LRIF1: variants seen among roughly 807,000 people sequenced by gnomAD.
LRIF1 encodes the protein ligand dependent nuclear receptor interacting factor 1.
In LRIF1, 32 loss-of-function variants were observed where a neutral mutation model predicts 52.7. The observed-to-expected ratio is 0.61, with a 90% CI of 0.46 to 0.82. The LOEUF is 0.82. LRIF1 is among the 40% of genes least tolerant of loss of function. LRIF1 has a pLI of 0.00. For synonymous variants in LRIF1, 323 were observed against 317.4 expected (o/e 1.02, Z -0.19); for missense variants, 887 against 892.0 (o/e 0.99, Z 0.07).
At chr1:110,926,546 A>C in the LRIF1 span, among the ~76,000 whole-genome samples, 1 of 152,108 alleles carries the variant, frequency 6.6e-6, no homozygotes. Context: ...GAAACTAAAA[A>C]TAAATCTCCA....
At chr1:110,962,635 C>T (rs1311977924) in intron 1 of LRIF1, among the ~76,000 whole-genome samples, 1 of 152,192 alleles carries the variant, frequency 6.6e-6, no homozygotes, top group East Asian at 1.9e-4. Context: ...TTCTCCTAAT[C>T]TTTAAAATAT....
At chr1:110,882,141 T>C in the LRIF1 span, among the ~76,000 whole-genome samples, 1 of 152,164 alleles carries the variant, frequency 6.6e-6, no homozygotes, top group South Asian at 2.1e-4. Flanking sequence ...TTTATCAACT[T>C]ATTGTGCTTT....
the LRIF1 span, chr1:110,891,423 C>A: frequency 6.2e-7 from 1 of 1,613,722 alleles, no homozygotes; most frequent in Non-Finnish European, 8.5e-7. Context: ...GCATGAGTAG[C>A]TTGAAACTGC....
downstream of LRIF1, among the ~76,000 whole-genome samples, chr1:110,945,578 A>G (rs1570935842): frequency 6.6e-6 from 1 of 152,208 alleles, no homozygotes; most frequent in East Asian, 1.9e-4. Flanking sequence ...GGCATGCACA[A>G]CCATGCCCAG....
the LRIF1 span, among the ~76,000 whole-genome samples, chr1:110,933,845 G>A: frequency 2.0e-5 from 3 of 152,178 alleles, no homozygotes; most frequent in Non-Finnish European, 4.4e-5. Flanking sequence ...GACCTATGGA[G>A]ACACCAGCTG....
At chr1:110,924,965 T>C in the LRIF1 span, among the ~76,000 whole-genome samples, 2 of 152,180 alleles carry the variant, frequency 1.3e-5, no homozygotes, top group Admixed American at 1.3e-4. Flanking sequence ...GTCCAGAAAG[T>C]ATTTCACATA....
the LRIF1 span, among the ~76,000 whole-genome samples, chr1:110,931,490 G>T: frequency 6.6e-6 from 1 of 152,134 alleles, no homozygotes; most frequent in African/African-American, 2.4e-5. Flanking sequence ...AATCCTTTGG[G>T]TATATACCCA....
chr1:110,896,182 G>A, the LRIF1 span, among the ~76,000 whole-genome samples: 4 of 152,274 alleles, frequency 2.6e-5, no homozygotes, highest in Non-Finnish European at 5.9e-5. Context: ...TTGCTTCCTC[G>A]AGTATTTTGG....
the LRIF1 span, among the ~76,000 whole-genome samples, chr1:110,879,072 A>G: frequency 6.6e-6 from 1 of 152,024 alleles, no homozygotes; most frequent in African/African-American, 2.4e-5. Flanking sequence ...ACCTCTTTTT[A>G]AAACGTATGA....
At chr1:110,961,483 A>G (rs1658944592) in intron 1 of LRIF1, among the ~76,000 whole-genome samples, 1 of 152,228 alleles carries the variant, frequency 6.6e-6, no homozygotes, top group Non-Finnish European at 1.5e-5. Flanking sequence ...TTAAATGCAT[A>G]CCATCACAAA....
downstream of LRIF1, among the ~76,000 whole-genome samples, chr1:110,946,872 G>A (rs184203065): frequency 3.3e-5 from 5 of 152,216 alleles, no homozygotes; most frequent in Admixed American, 3.3e-4. Context: ...GGCCAGGCTT[G>A]TCTCAAACTC....
At chr1:110,892,434 G>A in the LRIF1 span, 20 of 1,613,736 alleles carry the variant, frequency 1.2e-5, no homozygotes, top group Admixed American at 6.7e-5. Flanking sequence ...CCTCCCTCAC[G>A]CTGGGCAATG....
At chr1:110,963,329 G>C (rs1659044863) in intron 1 of LRIF1, 1 of 235,948 alleles carries the variant, frequency 4.2e-6, no homozygotes, top group African/African-American at 2.2e-5. Flanking sequence ...TAAGAGCGTC[G>C]GCCATCTTGG....
At position 110,952,634 on chromosome 1, in the gene LRIF1, T is replaced by A. The variant is rs1296851090; in HGVS notation, c.250A>T (p.Ile84Phe). 6.2e-7 allele frequency: 1 copy of A among 1,614,072 alleles called. No homozygotes were observed. The highest frequency in any genetic ancestry group is 8.5e-7 in the Non-Finnish European group (1 of 1,179,956). Residue 84 changes from isoleucine (I) to phenylalanine (F), a missense_variant, in exon 2 of 4, where the codon ATT (isoleucine) becomes TTT (phenylalanine). Ile to Phe is a conservative substitution (Grantham distance 21, BLOSUM62 0). Coordinates refer to ENST00000369763, the MANE Select transcript of LRIF1 (RefSeq NM_018372.4). ...KPVQVTFQTQ[I>F]SSSSTSASVQ... is the part of the protein sequence containing the mutation. ...GATGCACTTGTGGAAGAGCTGGAAATCTGAGTCTGAAAAGTAACTTGAACT... is the reference window on the plus strand; with the variant it reads ...GATGCACTTGTGGAAGAGCTGGAAAACTGAGTCTGAAAAGTAACTTGAACT...
the LRIF1 span, chr1:110,894,226 A>G: frequency 2.1e-6 from 2 of 936,486 alleles, no homozygotes; most frequent in African/African-American, 3.3e-5. Flanking sequence ...GAACAGGAAC[A>G]CCCTGTACTC....
the LRIF1 span, among the ~76,000 whole-genome samples, chr1:110,934,725 C>A: frequency 6.6e-6 from 1 of 152,202 alleles, no homozygotes; most frequent in Non-Finnish European, 1.5e-5. Flanking sequence ...TAGTCCCTGA[C>A]TTCCAGGTGG....
intron 1 of LRIF1, among the ~76,000 whole-genome samples, chr1:110,957,470 C>CAAAAAAAAAAAAAAAA (rs34396800): frequency 2.8e-4 from 12 of 42,784 alleles, no homozygotes; most frequent in African/African-American, 6.8e-4. Flanking sequence ...GACTCAGTCT[C>CAAAAAAAAAAAAAAAA]AAAAAAAAAA....
At chr1:110,896,722 C>A in the LRIF1 span, 1 of 1,612,464 alleles carries the variant, frequency 6.2e-7, no homozygotes, top group Non-Finnish European at 8.5e-7. Flanking sequence ...CCCCTCAGAT[C>A]GAAAAGTGGA....
intron 1 of LRIF1, among the ~76,000 whole-genome samples, chr1:110,958,268 GTAT>G (rs1256701462): frequency 6.6e-6 from 1 of 152,076 alleles, no homozygotes; most frequent in Non-Finnish European, 1.5e-5. Context: ...TTTACTCAAA[GTAT>G]TATTATTTTT....
Sources: gnomAD v4.1 joint callset for allele counts (sites outside exome capture counted in the v4.1 genomes callset) on GRCh38, gnomAD v4.1.1 for gene constraint, MANE v1.5 for transcripts, NCBI Gene and HGNC (gene_info 2026-07-23, HGNC 2026-07-21) for gene names.